Variants in RAPGEF5 observed in about 807,000 individuals in gnomAD.
RAPGEF5 encodes the protein M-Ras-regulated GEF.
RAPGEF5 carries 65 observed loss-of-function variants against 125.2 expected under a neutral mutation model. The observed-to-expected ratio is 0.52, with a 90% CI of 0.43 to 0.64. RAPGEF5 has a LOEUF of 0.64. RAPGEF5 is among the 30% of genes least tolerant of loss of function. The pLI is 0.00. For missense variants in RAPGEF5, 958 were observed against 1,048.1 expected (o/e 0.91, Z 1.19); for synonymous variants, 391 against 385.9 (o/e 1.01, Z -0.16).
At chr7:22,331,744 C>CAAAAA (rs11406166) in intron 1 of RAPGEF5, among the ~76,000 whole-genome samples, 1 of 94,906 alleles carries the variant, frequency 1.1e-5, no homozygotes. Flanking sequence ...GACTCCATCT[C>CAAAAA]AAAAAAAAAA....
intron 9 of RAPGEF5, among the ~76,000 whole-genome samples, chr7:22,218,817 T>C (rs1320912992): frequency 6.6e-6 from 1 of 152,202 alleles, no homozygotes; most frequent in Non-Finnish European, 1.5e-5. Flanking sequence ...GCCTCTGAAA[T>C]AGTTCAATCA....
chr7:22,150,656 A>G, intron 17 of RAPGEF5, 152 bp from the exon 18 acceptor site: 1 of 1,120,994 alleles, frequency 8.9e-7, no homozygotes, highest in Non-Finnish European at 1.2e-6. Flanking sequence ...AGTTCTGCAC[A>G]CTCTATACAA....
chr7:22,298,280 C>T (rs999930926), intron 5 of RAPGEF5, among the ~76,000 whole-genome samples: 2 of 151,480 alleles, frequency 1.3e-5, no homozygotes, highest in South Asian at 2.1e-4. Context: ...CCAGTTCAAG[C>T]GATTCTCCTG....
intron 7 of RAPGEF5, among the ~76,000 whole-genome samples, chr7:22,250,605 G>T (rs546710931): frequency 9.2e-5 from 14 of 152,248 alleles, no homozygotes; most frequent in African/African-American, 3.4e-4. Flanking sequence ...CCAGGACAAA[G>T]ATTTCCCTTG....
intron 1 of RAPGEF5, among the ~76,000 whole-genome samples, chr7:22,333,624 G>A (rs78612140): frequency 0.013 from 1,940 of 152,200 alleles, 34 homozygotes; most frequent in African/African-American, 0.044. Context: ...GGGGTAGGAT[G>A]GTGTAAGGTA....
intron 9 of RAPGEF5, among the ~76,000 whole-genome samples, chr7:22,200,034 A>G (rs1785241964): frequency 6.6e-6 from 1 of 152,200 alleles, no homozygotes. Context: ...CAGAAGCCCA[A>G]AGTGTTGGCT....
intron 1 of RAPGEF5, chr7:22,356,455 G>C (rs1305107819): frequency 6.1e-6 from 1 of 163,386 alleles, no homozygotes; most frequent in Non-Finnish European, 1.3e-5. Flanking sequence ...GATGCCGCTC[G>C]TGGGGCCTGA....
chr7:22,297,569 C>G (rs147471123), intron 5 of RAPGEF5, among the ~76,000 whole-genome samples: 2 of 152,324 alleles, frequency 1.3e-5, no homozygotes, highest in East Asian at 3.9e-4. Flanking sequence ...ACTGATCATC[C>G]TTAGACTCCT....
intron 8 of RAPGEF5, among the ~76,000 whole-genome samples, chr7:22,225,366 T>G (rs1194005346): frequency 6.6e-6 from 1 of 152,222 alleles, no homozygotes; most frequent in Non-Finnish European, 1.5e-5. Flanking sequence ...CTGTTTTGAT[T>G]TTCTGGTTTC....
intron 7 of RAPGEF5, among the ~76,000 whole-genome samples, chr7:22,236,454 C>G (rs538190170): frequency 6.6e-6 from 1 of 152,178 alleles, no homozygotes; most frequent in Non-Finnish European, 1.5e-5. Flanking sequence ...TGATTTAATA[C>G]GGCGTGAGGA....
chr7:22,337,299 G>C (rs1231092887), intron 1 of RAPGEF5, among the ~76,000 whole-genome samples: 1 of 152,140 alleles, frequency 6.6e-6, no homozygotes, highest in Admixed American at 6.5e-5. Flanking sequence ...GGGATAACAG[G>C]ACCAGTTGTC....
chr7:22,219,599 G>C (rs1221870059), intron 9 of RAPGEF5, among the ~76,000 whole-genome samples: 4 of 151,824 alleles, frequency 2.6e-5, no homozygotes, highest in Non-Finnish European at 4.4e-5. Context: ...ATCATAAATA[G>C]ATAAGGATTC....
chr7:22,248,212 A>G (rs1057152447), intron 7 of RAPGEF5, among the ~76,000 whole-genome samples: 36 of 152,334 alleles, frequency 2.4e-4, no homozygotes, highest in African/African-American at 8.7e-4. Context: ...AAATTCCCTT[A>G]GAGGGGCCCG....
At chr7:22,244,349 T>C (rs1323342646) in intron 7 of RAPGEF5, among the ~76,000 whole-genome samples, 1 of 152,170 alleles carries the variant, frequency 6.6e-6, no homozygotes, top group African/African-American at 2.4e-5. Context: ...ATCCATGGCC[T>C]GTTAGGAACC....
At chr7:22,296,112 C>T (rs908248190) in intron 5 of RAPGEF5, among the ~76,000 whole-genome samples, 6 of 151,946 alleles carry the variant, frequency 3.9e-5, no homozygotes, top group Admixed American at 1.3e-4. Flanking sequence ...CACTGTGAGA[C>T]GATGTTAAGT....
chr7:22,278,511 G>A (rs1782607057), intron 6 of RAPGEF5, among the ~76,000 whole-genome samples: 1 of 151,742 alleles, frequency 6.6e-6, no homozygotes, highest in African/African-American at 2.4e-5. Context: ...AAGTAGATGA[G>A]GAAAAATCAT....
intron 5 of RAPGEF5, among the ~76,000 whole-genome samples, chr7:22,302,949 G>A (rs139286365): frequency 2.6e-5 from 4 of 152,190 alleles, no homozygotes; most frequent in African/African-American, 9.6e-5. Flanking sequence ...TAACTATTGT[G>A]TAAGTGGTAG....
chr7:22,146,819 C>T (rs1269044372), intron 19 of RAPGEF5, 78 bp downstream of exon 19: 1 of 1,474,526 alleles, frequency 6.8e-7, no homozygotes, highest in African/African-American at 1.4e-5. Context: ...AATTTCATCA[C>T]CGCACGCATT....
chr7:22,212,859 T>G (rs1467120492), intron 9 of RAPGEF5, among the ~76,000 whole-genome samples: 1 of 152,144 alleles, frequency 6.6e-6, no homozygotes, highest in Non-Finnish European at 1.5e-5. Context: ...AGGAGGGTGA[T>G]GGCAAAACAA....
Sources: allele counts gnomAD v4.1 joint callset (sites outside exome capture counted in the v4.1 genomes callset), GRCh38; gene constraint gnomAD v4.1.1; transcripts MANE v1.5; gene names NCBI Gene and HGNC (gene_info 2026-07-23, HGNC 2026-07-21).